The following STARD13 variants were observed in gnomAD, a reference collection of about 807,000 sequenced individuals.
STARD13 encodes the protein stAR-related lipid transfer protein 13.
A neutral mutation model predicts 106.4 loss-of-function variants in STARD13; 62 were observed. The observed-to-expected ratio is 0.58, with a 90% CI of 0.48 to 0.72. STARD13 has a LOEUF of 0.72. Ranked by LOEUF, STARD13 falls within the 30% of genes least tolerant of loss-of-function variation. The pLI is 0.00. For synonymous variants in STARD13, 565 were observed against 553.0 expected (o/e 1.02, Z -0.31); for missense variants, 1,387 against 1,424.0 (o/e 0.97, Z 0.42).
Position 33,139,304 on chromosome 13 carries a change from A to G in STARD13, c.387+3006T>C, listed in dbSNP as rs149099825. On this transcript the variant is annotated intron_variant, in intron 4 of 13. Coordinates refer to ENST00000336934, the MANE Select transcript of STARD13 (RefSeq NM_178006.4). ...CCCAGATTCAAGTACTGCCTCTGCTATTTCTGTGTGGCTTTGGGCAAGTGC... is the reference window on the plus strand; with the variant it reads ...CCCAGATTCAAGTACTGCCTCTGCTGTTTCTGTGTGGCTTTGGGCAAGTGC... Among the ~76,000 whole-genome samples, 169 of 152,294 alleles carry G rather than the reference A, an allele frequency of 1.1e-3. 1 individual carries two copies. The highest frequency in any genetic ancestry group is 3.8e-3 in the African/African-American group (156 of 41,562).
At chr13:33,181,665 C>T (rs771606649) in intron 1 of STARD13, among the ~76,000 whole-genome samples, 2 of 152,086 alleles carry the variant, frequency 1.3e-5, no homozygotes, top group Non-Finnish European at 2.9e-5. Context: ...AATAAGGTAA[C>T]ATTATTCTTC....
At chr13:33,500,004 T>C in the STARD13 span, among the ~76,000 whole-genome samples, 53 of 152,102 alleles carry the variant, frequency 3.5e-4, 1 homozygote, top group African/African-American at 1.3e-3. Context: ...TCCTCCCACC[T>C]TGGCCTCCCA....
chr13:33,639,269 G>C, the STARD13 span, among the ~76,000 whole-genome samples: 1 of 152,196 alleles, frequency 6.6e-6, no homozygotes, highest in East Asian at 1.9e-4. Flanking sequence ...GTGGAATTCA[G>C]TCATGGGAAT....
At chr13:33,478,201 G>A in the STARD13 span, among the ~76,000 whole-genome samples, 1 of 152,164 alleles carries the variant, frequency 6.6e-6, no homozygotes, top group Non-Finnish European at 1.5e-5. Context: ...ACCCAATCAA[G>A]CCTTCTTCCC....
intron 3 of STARD13, among the ~76,000 whole-genome samples, chr13:33,150,623 C>G (rs985755228): frequency 6.6e-6 from 1 of 152,202 alleles, no homozygotes; most frequent in African/African-American, 2.4e-5. Flanking sequence ...TCTACTTTCT[C>G]CATGGGAAGA....
At chr13:33,483,173 A>C in the STARD13 span, among the ~76,000 whole-genome samples, 2 of 152,224 alleles carry the variant, frequency 1.3e-5, no homozygotes, top group Non-Finnish European at 2.9e-5. Context: ...GAGAACTTTA[A>C]GATAATAAAA....
intron 1 of STARD13, among the ~76,000 whole-genome samples, chr13:33,298,122 T>G (rs1015405787): frequency 2.3e-4 from 1 of 4,416 alleles, no homozygotes; most frequent in Admixed American, 5.7e-3. Context: ...CCATCTACAG[T>G]TTTTTTTTTT....
intron 1 of STARD13, among the ~76,000 whole-genome samples, chr13:33,217,982 T>C (rs1402230516): frequency 8.2e-6 from 1 of 121,486 alleles, no homozygotes; most frequent in African/African-American, 4.0e-5. Flanking sequence ...CAGACTATAT[T>C]ACACACACAT....
At chr13:33,490,486 G>A in the STARD13 span, among the ~76,000 whole-genome samples, 2 of 152,136 alleles carry the variant, frequency 1.3e-5, no homozygotes, top group East Asian at 1.9e-4. Flanking sequence ...GTGGAACAAC[G>A]CGGCAGAGAG....
chr13:33,245,407 G>A (rs1208656697), intron 1 of STARD13, among the ~76,000 whole-genome samples: 1 of 152,168 alleles, frequency 6.6e-6, no homozygotes, highest in African/African-American at 2.4e-5. Flanking sequence ...CAAAAGACTC[G>A]TGCTTTGGGA....
chr13:33,118,091 C>G lies in STARD13; in HGVS notation c.2255G>C (p.Ser752Thr). The G allele has an allele frequency of 6.2e-7, 1 of 1,614,216 alleles. No individual in the cohort carries two copies. The highest frequency in any genetic ancestry group is 8.5e-7 in the Non-Finnish European group (1 of 1,180,036). ...CTGATAGATATGGAGAAAGGTCTCA[C>G]TGAGCTTGTTGGTGAAAAGAGGCTC... ...LPEPLFTNKLSETFLHIYQYV... is the reference protein window; with the variant it reads ...LPEPLFTNKLTETFLHIYQYV... The change falls in exon 8 of 14, where the codon AGT becomes ACT. Residue 752 changes from serine to threonine, a missense_variant. Transcript: ENST00000336934.
chr13:33,385,032 T>C, the STARD13 span, among the ~76,000 whole-genome samples: 3 of 148,572 alleles, frequency 2.0e-5, no homozygotes, highest in Non-Finnish European at 4.5e-5. Context: ...GAAGAAAGGT[T>C]CGGAATATAT....
chr13:33,663,137 G>A, the STARD13 span, among the ~76,000 whole-genome samples: 1 of 152,246 alleles, frequency 6.6e-6, no homozygotes, highest in African/African-American at 2.4e-5. Context: ...GGAGCGTAGT[G>A]TGCAGTGGTA....
chr13:33,221,460 T>C (rs934575937), intron 1 of STARD13, among the ~76,000 whole-genome samples: 2 of 152,258 alleles, frequency 1.3e-5, no homozygotes, highest in African/African-American at 4.8e-5. Context: ...TTATGAGAAC[T>C]GCAAACTGAC....
At chr13:33,157,980 A>G (rs1346607591) in intron 3 of STARD13, among the ~76,000 whole-genome samples, 1 of 152,238 alleles carries the variant, frequency 6.6e-6, no homozygotes, top group Non-Finnish European at 1.5e-5. Flanking sequence ...TAAGAATTCA[A>G]TAAAAAACAT....
chr13:33,179,590 C>G (rs1885030300), intron 1 of STARD13, among the ~76,000 whole-genome samples: 1 of 152,144 alleles, frequency 6.6e-6, no homozygotes, highest in Admixed American at 6.5e-5. Context: ...TCAACAGACA[C>G]CTGCTGGGTG....
chr13:33,502,610 G>T, the STARD13 span, among the ~76,000 whole-genome samples: 5 of 152,208 alleles, frequency 3.3e-5, no homozygotes, highest in African/African-American at 1.2e-4. Flanking sequence ...GTTGAATTTT[G>T]TCCAAGGCCT....
At chr13:33,458,608 GGCT>G in the STARD13 span, among the ~76,000 whole-genome samples, 1 of 152,072 alleles carries the variant, frequency 6.6e-6, no homozygotes, top group South Asian at 2.1e-4. Context: ...GATTCATCAA[GGCT>G]GCTGCTAACA....
chr13:33,193,991 C>G (rs1477765072), intron 1 of STARD13, among the ~76,000 whole-genome samples: 1 of 146,918 alleles, frequency 6.8e-6, no homozygotes, highest in East Asian at 1.9e-4. Context: ...GCCCTTTAAG[C>G]TGAGGTTTTC....
Sources: gnomAD v4.1 joint callset for allele counts (sites outside exome capture counted in the v4.1 genomes callset) on GRCh38, gnomAD v4.1.1 for gene constraint, MANE v1.5 for transcripts, NCBI Gene and HGNC (gene_info 2026-07-23, HGNC 2026-07-21) for gene names.